Variants in SLC29A3 observed in about 807,000 individuals in gnomAD.
The protein encoded by SLC29A3 is equilibrative nucleoside transporter 3.
SLC29A3 carries 18 observed loss-of-function variants against 25.4 expected under a neutral mutation model. That is an observed-to-expected ratio of 0.71 (90% CI 0.49 to 1.05). SLC29A3 has a LOEUF of 1.05. Among genes scored for constraint, SLC29A3 ranks in the 50% least tolerant of loss-of-function variants. The pLI, the probability that SLC29A3 is intolerant of heterozygous loss-of-function variation, is 0.00. For synonymous variants in SLC29A3, 258 were observed against 267.1 expected (o/e 0.97, Z 0.33); for missense variants, 586 against 609.0 (o/e 0.96, Z 0.40).
chr10:71,358,987 G>A (rs987878323), intron 5 of SLC29A3, among the ~76,000 whole-genome samples: 3 of 152,036 alleles, frequency 2.0e-5, no homozygotes, highest in African/African-American at 4.8e-5. Flanking sequence ...CACGGCTCAC[G>A]GCAGCCTTTA....
In SLC29A3 at chr10:71,353,911, A is replaced by G. The variant is rs554678703; in HGVS notation, c.610+2123A>G. Among the ~76,000 whole-genome samples, 10 of 152,268 alleles carry G rather than the reference A, an allele frequency of 6.6e-5. No homozygotes were observed. In the South Asian group the frequency reaches 2.1e-3, roughly 32 times the overall value. ...TTTGTTGTTGATGATAATATTGTAA[A>G]TTCTCTACAAGTTGGAAAGAGAGAG... On this transcript the variant is annotated intron_variant, in intron 4 of 5. Transcript: ENST00000373189.
chr10:71,339,146 CT>C (rs1292727509), intron 2 of SLC29A3, among the ~76,000 whole-genome samples: 1 of 152,234 alleles, frequency 6.6e-6, no homozygotes, highest in African/African-American at 2.4e-5. Context: ...CCTCAGGCTG[CT>C]TATCTGTAAA....
chr10:71,378,089 C>T (rs1472625112), intron 4 of SLC29A3, among the ~76,000 whole-genome samples: 1 of 68,230 alleles, frequency 1.5e-5, no homozygotes, highest in African/African-American at 5.8e-5. Context: ...GAAGCTTAGA[C>T]AATGTTGGGG....
chr10:71,356,190 C>T lies in SLC29A3; in HGVS notation c.720C>T (p.Phe240=), dbSNP rs750846108. 3.1e-6 allele frequency: 5 copies of T among 1,614,048 alleles called. No homozygotes were observed. The African/African-American group carries it at 5.3e-5, about 17-fold the overall frequency. Residue 240 remains phenylalanine (F), a synonymous_variant, in exon 5 of 6, where the codon TTC becomes TTT. Transcript: ENST00000373189. ...ALAFFLTATV[F]LVLCMGLYLL... is the part of the protein sequence containing the mutation. ...CCTTCTTCCTGACGGCCACTGTCTT[C>T]CTCGTGCTCTGCATGGGACTCTACC...
Position 71,362,428 on chromosome 10 carries a change from ACTC to A in SLC29A3, c.1252_1254del (p.Leu418del). 6.2e-7 allele frequency: 1 copy of A among 1,613,516 alleles called. No individual in the cohort carries two copies. The highest frequency in any genetic ancestry group is 8.5e-7 in the Non-Finnish European group (1 of 1,179,878). On this transcript the variant is annotated inframe_deletion, in exon 6 of 6. Transcript: ENST00000373189. The stretch of plus-strand genomic sequence containing the variant: ...TCTTCCAGTCCGATGTGTACCCCGC[ACTC>A]CTCAGCTCCCTGCTGGGGCTCAGCA...
intron 2 of SLC29A3, among the ~76,000 whole-genome samples, chr10:71,329,487 C>A (rs1474767907): frequency 1.3e-5 from 2 of 151,054 alleles, no homozygotes; most frequent in Non-Finnish European, 2.9e-5. Context: ...AAGAAAATAC[C>A]CCACATCCCA....
chr10:71,329,845 G>A (rs1846079667), intron 2 of SLC29A3, among the ~76,000 whole-genome samples: 1 of 152,242 alleles, frequency 6.6e-6, no homozygotes, highest in African/African-American at 2.4e-5. Flanking sequence ...GCTACATCAT[G>A]AGAGACTTAG....
chr10:71,337,407 A>C (rs1846280316), intron 2 of SLC29A3, among the ~76,000 whole-genome samples: 1 of 152,256 alleles, frequency 6.6e-6, no homozygotes, highest in Non-Finnish European at 1.5e-5. Flanking sequence ...GCAAGTTTGC[A>C]ATGGCAAACT....
At chr10:71,368,805 G>C (rs1429361462) in intron 3 of SLC29A3, among the ~76,000 whole-genome samples, 1 of 152,178 alleles carries the variant, frequency 6.6e-6, no homozygotes, top group East Asian at 1.9e-4. Flanking sequence ...CTGGCTGTGT[G>C]ACTGAAGGTA....
chr10:71,345,902 G>A (rs1457037968), intron 3 of SLC29A3, among the ~76,000 whole-genome samples: 2 of 152,220 alleles, frequency 1.3e-5, no homozygotes, highest in East Asian at 1.9e-4. Context: ...CTGTCTACTC[G>A]CTCAGCCCGC....
intron 3 of SLC29A3, among the ~76,000 whole-genome samples, chr10:71,350,921 C>T (rs187833063): frequency 1.8e-3 from 270 of 152,288 alleles, no homozygotes; most frequent in Admixed American, 6.3e-3. Flanking sequence ...CTTACAGAAC[C>T]GGTGTAACAA....
At chr10:71,344,340 T>G (rs1474274307) in intron 3 of SLC29A3, 49 bp downstream of exon 3, 4 of 1,397,314 alleles carry the variant, frequency 2.9e-6, no homozygotes, top group Admixed American at 3.4e-5. Flanking sequence ...GTCTCCTGCC[T>G]CCTCTACTCC....
At chr10:71,370,798 A>C (rs1474760337) in intron 3 of SLC29A3, among the ~76,000 whole-genome samples, 1 of 152,216 alleles carries the variant, frequency 6.6e-6, no homozygotes, top group Non-Finnish European at 1.5e-5. Flanking sequence ...TTATTGATAC[A>C]TAATAGAGGT....
At chr10:71,327,350 A>G (rs371720248) in intron 2 of SLC29A3, among the ~76,000 whole-genome samples, 1 of 152,160 alleles carries the variant, frequency 6.6e-6, no homozygotes, top group African/African-American at 2.4e-5. Context: ...CCTCCAATAA[A>G]TATATCACAG....
chr10:71,357,380 A>T (rs1386411161), intron 5 of SLC29A3, among the ~76,000 whole-genome samples: 1 of 151,660 alleles, frequency 6.6e-6, no homozygotes, highest in Non-Finnish European at 1.5e-5. Flanking sequence ...GCACCCCTGC[A>T]CTCCAGCCTG....
At chr10:71,350,302 A>G (rs1211394711) in intron 3 of SLC29A3, among the ~76,000 whole-genome samples, 1 of 123,234 alleles carries the variant, frequency 8.1e-6, no homozygotes. Context: ...CTTGCTCATC[A>G]TTTCACACCT....
At chr10:71,322,083 A>C (rs1845857369) in intron 1 of SLC29A3, among the ~76,000 whole-genome samples, 1 of 152,192 alleles carries the variant, frequency 6.6e-6, no homozygotes, top group Non-Finnish European at 1.5e-5. Context: ...AACTAGTCAC[A>C]TAGTTCAAAA....
downstream of SLC29A3, among the ~76,000 whole-genome samples, chr10:71,367,816 A>G (rs899325714): frequency 1.3e-5 from 2 of 152,244 alleles, no homozygotes; most frequent in African/African-American, 4.8e-5. Context: ...GCATAGGGCC[A>G]AGGAATTAAC....
Position 71,344,214 on chromosome 10 carries a change from CTT to C in SLC29A3, c.308_309del (p.Phe103Ter), listed in dbSNP as rs796052139. Reference protein sequence around the residue: ...DPEGSDILNYFESYLAVASTV... With the variant: ...DPEGSDILNYXESYLAVASTV... ...CCTCACTTGTGTGCTTGCAGAACTA[CTT>C]TGAGAGCTACCTTGCCGTTGCCTCC... On this transcript the variant is annotated frameshift_variant, in exon 3 of 6. Transcript: ENST00000373189. LOFTEE classifies it high-confidence loss of function. 6 of 1,614,100 alleles carry C rather than the reference CTT, an allele frequency of 3.7e-6. No homozygotes were observed. In the Middle Eastern group the frequency reaches 4.9e-4, roughly 133 times the overall value.
Sources: allele counts gnomAD v4.1 joint callset (sites outside exome capture counted in the v4.1 genomes callset), GRCh38; gene constraint gnomAD v4.1.1; transcripts MANE v1.5; gene names NCBI Gene and HGNC (gene_info 2026-07-23, HGNC 2026-07-21).